Variants in ZNF114 observed in about 807,000 individuals in gnomAD.
The protein encoded by ZNF114 is zinc finger protein 114, also known as zinc finger protein 114 (Y18).
A neutral mutation model predicts 6.8 loss-of-function variants in ZNF114; 8 were observed. The observed-to-expected ratio is 1.18, with a 90% CI of 0.69 to 2.13. ZNF114 has a LOEUF of 2.13. Ranked by LOEUF, ZNF114 falls within the 30% of genes most tolerant of loss-of-function variation. The pLI, the probability that ZNF114 is intolerant of heterozygous loss-of-function variation, is 0.00. For synonymous variants in ZNF114, 169 were observed against 185.5 expected (o/e 0.91, Z 0.72); for missense variants, 472 against 519.5 (o/e 0.91, Z 0.89).
At chr19:48,281,136 C>T (rs779411881) in intron 4 of ZNF114, among the ~76,000 whole-genome samples, 3 of 151,904 alleles carry the variant, frequency 2.0e-5, no homozygotes, top group Non-Finnish European at 4.4e-5. Flanking sequence ...GAGCAAGACC[C>T]TGTCTCAGAA....
At chr19:48,282,165 T>G in intron 4 of ZNF114, 2 of 460,902 alleles carry the variant, frequency 4.3e-6, no homozygotes, top group South Asian at 2.5e-5. Context: ...CCCAAAGTGC[T>G]GGGATTACAG....
chr19:48,274,511 T>G lies in ZNF114; in HGVS notation c.-70+2683T>G, dbSNP rs920866290. Reference sequence around the variant, plus strand: ...ATATATATATATATATATATATTTTTTTTTTTTTTTTTGAGACAGAGTTTT... The same window carrying G: ...ATATATATATATATATATATATTTTGTTTTTTTTTTTTGAGACAGAGTTTT... On this transcript the variant is annotated intron_variant, in intron 3 of 5. Coordinates refer to ENST00000595607, the MANE Select transcript of ZNF114 (RefSeq NM_153608.4). Among the ~76,000 whole-genome samples, 3 of 31,468 alleles carry G rather than the reference T, an allele frequency of 9.5e-5. No homozygotes were observed. The South Asian group carries it at 2.0e-3, about 21-fold the overall frequency. The allele number at this position is 31,468 out of a possible 152,430, so 20.6% of individuals were successfully genotyped here.
At chr19:48,272,904 T>C (rs1289745808) in intron 3 of ZNF114, among the ~76,000 whole-genome samples, 2 of 147,674 alleles carry the variant, frequency 1.4e-5, no homozygotes, top group Admixed American at 6.9e-5. Flanking sequence ...CACGCCATTC[T>C]CCTGCCTCAG....
chr19:48,278,753 C>A (rs12983046), intron 3 of ZNF114, among the ~76,000 whole-genome samples: 38,546 of 151,910 alleles, frequency 0.25, 5,093 homozygotes, highest in Middle Eastern at 0.33. Context: ...ACCAGCCTGG[C>A]CAGCATGGCG....
rs1160853614 is a variant in ZNF114, at chr19:48,274,482, T to TTA, written c.-70+2678_-70+2679dup. ...GTTTTGTTTTAATAGAAAAAAACTT[T>TTA]TATATATATATATATATATATATAT... On this transcript the variant is annotated intron_variant, in intron 3 of 5. Transcript: ENST00000595607. Among the ~76,000 whole-genome samples the TTA allele has an allele frequency of 4.3e-3, 597 of 139,638 alleles. 3 individuals are homozygous for TTA. Among genetic ancestry groups the TTA allele is most frequent in the South Asian group, 0.022 (95 of 4,300 alleles). 91.6% of individuals were successfully genotyped at this position (139,638 alleles called of 152,430 possible).
intron 3 of ZNF114, among the ~76,000 whole-genome samples, chr19:48,272,393 C>T (rs1393719105): frequency 7.5e-6 from 1 of 132,874 alleles, no homozygotes; most frequent in Non-Finnish European, 1.6e-5. Context: ...GCCTGGGCGA[C>T]AGAGGGAGAC....
Position 48,286,490 on chromosome 19 carries a change from C to T in ZNF114, c.866C>T (p.Pro289Leu). The T allele has an allele frequency of 6.2e-7, 1 of 1,614,154 alleles. No homozygotes were observed. Among genetic ancestry groups the T allele is most frequent in the Non-Finnish European group, 8.5e-7 (1 of 1,180,028 alleles). Residue 289 changes from proline to leucine, a missense_variant, in exon 6 of 6, where the codon CCA becomes CTA. Pro to Leu is a moderately conservative substitution (Grantham distance 98). Transcript: ENST00000595607. The stretch of plus-strand genomic sequence containing the variant: ...ACTGGGGCAACCTCTGCCAACGCTC[C>T]AAATTCCGGTTCACACAAGAGTCAT... ...CQTGATSANA[P>L]NSGSHKSHCT...
Position 48,285,816 on chromosome 19 carries a change from T to G in ZNF114, c.192T>G (p.Pro64=). ...KDATPQPDIL[P]KRTFPEANRV... ...CAACCCCTCAGCCGGATATTCTTCCTAAAAGAACATTTCCTGAAGCCAACA... is the reference window on the plus strand; with the variant it reads ...CAACCCCTCAGCCGGATATTCTTCCGAAAAGAACATTTCCTGAAGCCAACA... The change falls in exon 6 of 6, where the codon CCT becomes CCG. Residue 64 remains proline, a synonymous_variant. Transcript: ENST00000595607. 1.2e-6 allele frequency: 2 copies of G among 1,613,938 alleles called. No homozygotes were observed. Among genetic ancestry groups the G allele is most frequent in the Non-Finnish European group, 1.7e-6 (2 of 1,179,980 alleles).
intron 3 of ZNF114, among the ~76,000 whole-genome samples, chr19:48,275,799 G>A (rs1000902189): frequency 2.6e-5 from 4 of 151,738 alleles, no homozygotes; most frequent in Non-Finnish European, 5.9e-5. Flanking sequence ...TCGAGACCAC[G>A]GTGAAACCCC....
chr19:48,282,361 G>A lies in ZNF114; in HGVS notation c.10-10G>A. On this transcript the variant is annotated splice_polypyrimidine_tract_variant and intron_variant, in intron 4 of 5. Transcript: ENST00000595607. Reference sequence around the variant, plus strand: ...CACCCCTCCGAGCCAAACTGCATGTGTTATTTTAGGACTCGGTGACCTTCG... The same window carrying A: ...CACCCCTCCGAGCCAAACTGCATGTATTATTTTAGGACTCGGTGACCTTCG... 6.2e-7 allele frequency: 1 copy of A among 1,611,924 alleles called. No homozygotes were observed. The highest frequency in any genetic ancestry group is 8.5e-7 in the Non-Finnish European group (1 of 1,178,962).
chr19:48,271,742 G>A lies in ZNF114; in HGVS notation c.-156G>A, dbSNP rs1967663158. 3 of 152,332 alleles carry A rather than the reference G, an allele frequency of 2.0e-5. No individual in the cohort carries two copies. Among genetic ancestry groups the A allele is most frequent in the Non-Finnish European group, 4.4e-5 (3 of 68,120 alleles). The allele number at this position is 152,332 out of a possible 1,614,324, so 9.4% of individuals were successfully genotyped here. A position where few individuals can be genotyped will look rare whatever the true frequency, so the allele number is the denominator to read the frequency against. On this transcript the variant is annotated 5_prime_UTR_variant, in exon 3 of 6. Transcript: ENST00000595607. ...ATTTCAACAGTTTGATCCCCATCCT[G>A]GTGCAGCTCCGAGACGCTCCTGGGC... is the stretch of plus-strand genomic sequence containing the variant.
intron 3 of ZNF114, among the ~76,000 whole-genome samples, chr19:48,273,691 C>A (rs1012502198): frequency 1.3e-5 from 2 of 151,650 alleles, no homozygotes; most frequent in Admixed American, 6.6e-5. Context: ...AGCTCAGCCC[C>A]TGAGTTGCAC....
intron 3 of ZNF114, among the ~76,000 whole-genome samples, chr19:48,273,771 T>C (rs1015269366): frequency 2.7e-5 from 4 of 150,308 alleles, no homozygotes; most frequent in Non-Finnish European, 5.9e-5. Context: ...TTTTTTTTTT[T>C]TTTTGAGACG....
intron 3 of ZNF114, among the ~76,000 whole-genome samples, chr19:48,278,875 G>A (rs1400739374): frequency 1.3e-5 from 2 of 152,034 alleles, no homozygotes; most frequent in African/African-American, 2.4e-5. Context: ...CCAGGGAGGC[G>A]GAAGCTGCAG....
rs551759876 is a variant in ZNF114 at position 48,270,850 on chromosome 19, G to A, written c.-376-395G>A. ...TCTCAGCACTTTGGGAGGCCGAGGC[G>A]GGCGGATCACGAGGTCAGGAGATCG... On this transcript the variant is annotated intron_variant, in intron 1 of 5. Coordinates refer to ENST00000595607, the MANE Select transcript of ZNF114 (RefSeq NM_153608.4). Among the ~76,000 whole-genome samples, 75 of 152,102 alleles carry A rather than the reference G, an allele frequency of 4.9e-4. 1 individual carries two copies. The highest frequency in any genetic ancestry group is 1.8e-3 in the African/African-American group (74 of 41,506).
chr19:48,274,069 T>C lies in ZNF114; in HGVS notation c.-70+2241T>C, dbSNP rs906811184. Among the ~76,000 whole-genome samples, 7 of 150,916 alleles carry C rather than the reference T, an allele frequency of 4.6e-5. No homozygotes were observed. In the East Asian group the frequency reaches 1.4e-3, roughly 29 times the overall value. On this transcript the variant is annotated intron_variant, in intron 3 of 5. Coordinates refer to ENST00000595607, the MANE Select transcript of ZNF114 (RefSeq NM_153608.4). Reference sequence around the variant, plus strand: ...ACCGTGCCTGGCCAATATATATGTATATATATTTTTATACATGTATATATA... The same window carrying C: ...ACCGTGCCTGGCCAATATATATGTACATATATTTTTATACATGTATATATA...
At chr19:48,279,490 GTGT>G in intron 3 of ZNF114, among the ~76,000 whole-genome samples, 1 of 104,580 alleles carries the variant, frequency 9.6e-6, no homozygotes, top group Non-Finnish European at 1.9e-5. Context: ...GTGTGTGAGT[GTGT>G]GTGTGGGTGG....
chr19:48,273,219 G>T (rs1034348333), intron 3 of ZNF114, among the ~76,000 whole-genome samples: 6 of 152,110 alleles, frequency 3.9e-5, no homozygotes, highest in African/African-American at 1.4e-4. Flanking sequence ...AAGGTGTCAG[G>T]ATCAAACCCC....
At chr19:48,279,470 GT>G (rs1365038224) in intron 3 of ZNF114, among the ~76,000 whole-genome samples, 1 of 113,616 alleles carries the variant, frequency 8.8e-6, no homozygotes, top group African/African-American at 3.5e-5. Flanking sequence ...GGATGGGGGT[GT>G]GTGGGTGTGT....
Sources: gnomAD v4.1 joint callset for allele counts (sites outside exome capture counted in the v4.1 genomes callset) on GRCh38, gnomAD v4.1.1 for gene constraint, MANE v1.5 for transcripts, NCBI Gene and HGNC (gene_info 2026-07-23, HGNC 2026-07-21) for gene names.